The following WWOX variants were observed in gnomAD, a reference collection of about 807,000 sequenced individuals.
WWOX encodes WW domain-containing oxidoreductase.
Under a neutral mutation model 46.2 loss-of-function variants are expected in WWOX, and 69 were observed. The ratio of observed to expected loss-of-function variants is 1.49; its 90% confidence interval spans 1.23 to 1.82. WWOX has a LOEUF of 1.82. Ranked by LOEUF, WWOX falls within the 40% of genes most tolerant of loss-of-function variation. WWOX has a pLI of 0.00. For synonymous variants in WWOX, 359 were observed against 202.6 expected, an observed-to-expected ratio of 1.77 and a Z score of -6.56; for missense variants, 919 against 542.6, an observed-to-expected ratio of 1.69 and a Z score of -6.89.
rs376619795 is a variant in WWOX, at chr16:78,782,378, A to G, written c.1056+349626A>G. ...CACTGTTTTTGCCACAGCTTCTAGG[A>G]TTTCTCTTTCCCACAATCTAGGAGA... On this transcript the variant is annotated intron_variant, in intron 8 of 8. Transcript: ENST00000566780. Among the ~76,000 whole-genome samples, 83 of 152,172 alleles carry G rather than the reference A, an allele frequency of 5.5e-4. 1 individual carries two copies. The highest frequency in any genetic ancestry group is 1.7e-3 in the African/African-American group (71 of 41,520).
At chr16:78,684,184 A>G (rs1176874332) in intron 8 of WWOX, among the ~76,000 whole-genome samples, 1 of 152,150 alleles carries the variant, frequency 6.6e-6, no homozygotes, top group Non-Finnish European at 1.5e-5. Flanking sequence ...TAGCGCAGAA[A>G]TCCACTGGCA....
intron 5 of WWOX, among the ~76,000 whole-genome samples, chr16:78,231,038 T>C (rs1436735908): frequency 6.6e-6 from 1 of 152,226 alleles, no homozygotes; most frequent in East Asian, 1.9e-4. Context: ...TTATTGGCAA[T>C]GCCAAGAGAG....
intron 5 of WWOX, among the ~76,000 whole-genome samples, chr16:78,305,894 T>C (rs1275642488): frequency 2.0e-5 from 3 of 152,146 alleles, no homozygotes; most frequent in Non-Finnish European, 4.4e-5. Context: ...GAAAGGCTCA[T>C]TGAGGAAAGT....
intron 8 of WWOX, among the ~76,000 whole-genome samples, chr16:78,788,416 A>G (rs2050509979): frequency 6.6e-6 from 1 of 151,984 alleles, no homozygotes; most frequent in Admixed American, 6.6e-5. Flanking sequence ...CACCTTTTTG[A>G]TTGTGAGTCT....
chr16:78,930,747 C>T (rs1461208394), intron 8 of WWOX, among the ~76,000 whole-genome samples: 1 of 152,120 alleles, frequency 6.6e-6, no homozygotes, highest in Admixed American at 6.6e-5. Context: ...GAAGAACTCA[C>T]TGAAAAGTCC....
chr16:79,197,427 G>A (rs1446710494), intron 8 of WWOX, among the ~76,000 whole-genome samples: 2 of 152,098 alleles, frequency 1.3e-5, no homozygotes, highest in Non-Finnish European at 2.9e-5. Context: ...TCATACCATG[G>A]GAATTGGCAG....
At position 78,270,885 on chromosome 16, in the gene WWOX, GA is replaced by G. The variant is rs1243573840; in HGVS notation, c.516+106598del. ...CAGAGACGATACGTGGCCCGAAGAT[GA>G]AGGTACTTAACTATCTGGCCCTTCA... is the stretch of plus-strand genomic sequence containing the variant. On this transcript the variant is annotated intron_variant, in intron 5 of 8. Transcript: ENST00000566780. 1.1e-4 allele frequency among the ~76,000 whole-genome samples: 16 copies of G among 152,314 alleles called. No homozygotes were observed. The East Asian group carries it at 2.5e-3, about 24-fold the overall frequency.
At position 78,807,439 on chromosome 16, in the gene WWOX, T is replaced by A. The variant is rs531521070; in HGVS notation, c.1056+374687T>A. ...GTTTTATGATTGTTTTAAGGTCCAT[T>A]AATCGCTGAATCATGAGGCCATGTA... is the stretch of plus-strand genomic sequence containing the variant. On this transcript the variant is annotated intron_variant, in intron 8 of 8. Coordinates refer to ENST00000566780, the MANE Select transcript of WWOX (RefSeq NM_016373.4). 3.3e-5 allele frequency among the ~76,000 whole-genome samples: 5 copies of A among 152,356 alleles called. No homozygotes were observed. The South Asian group carries it at 1.0e-3, about 32-fold the overall frequency.
At chr16:78,211,690 G>T (rs921365856) in intron 5 of WWOX, among the ~76,000 whole-genome samples, 1 of 152,216 alleles carries the variant, frequency 6.6e-6, no homozygotes, top group Non-Finnish European at 1.5e-5. Context: ...AGTGGTTCCA[G>T]AAGGAAGAGT....
intron 8 of WWOX, among the ~76,000 whole-genome samples, chr16:78,723,321 G>A (rs13332365): frequency 0.42 from 64,027 of 151,958 alleles, 14,580 homozygotes; most frequent in African/African-American, 0.6. Context: ...CTTGCCTTGG[G>A]GTCAGTGTCT....
chr16:78,194,325 C>A (rs933919602), intron 5 of WWOX, among the ~76,000 whole-genome samples: 1 of 151,788 alleles, frequency 6.6e-6, no homozygotes, highest in African/African-American at 2.4e-5. Flanking sequence ...TGGTGTCTCA[C>A]ACCTGTAATC....
At chr16:78,468,532 C>G (rs1201302799) in intron 8 of WWOX, among the ~76,000 whole-genome samples, 2 of 152,130 alleles carry the variant, frequency 1.3e-5, no homozygotes, top group African/African-American at 4.8e-5. Context: ...TGTCGGCCCT[C>G]TTAGAAGAGA....
intron 8 of WWOX, among the ~76,000 whole-genome samples, chr16:78,914,646 G>A (rs2045200000): frequency 6.6e-6 from 1 of 151,914 alleles, no homozygotes; most frequent in African/African-American, 2.4e-5. Flanking sequence ...TTGGGAGGCG[G>A]AGGCGGGCAG....
At chr16:78,675,461 T>C (rs961697674) in intron 8 of WWOX, among the ~76,000 whole-genome samples, 1 of 152,212 alleles carries the variant, frequency 6.6e-6, no homozygotes, top group South Asian at 2.1e-4. Flanking sequence ...ACAAATACTT[T>C]TATGGGCCTT....
chr16:78,471,990 A>T (rs1016308820), intron 8 of WWOX, among the ~76,000 whole-genome samples: 1 of 152,176 alleles, frequency 6.6e-6, no homozygotes, highest in African/African-American at 2.4e-5. Flanking sequence ...ACCTAATTCC[A>T]ATGTTTCACT....
At chr16:78,392,763 C>T (rs893659498) in intron 6 of WWOX, among the ~76,000 whole-genome samples, 9 of 152,250 alleles carry the variant, frequency 5.9e-5, no homozygotes, top group East Asian at 3.9e-4. Context: ...GTGGTGTAAT[C>T]GTCCAAGAGT....
At chr16:79,009,021 A>G (rs1406113147) in intron 8 of WWOX, among the ~76,000 whole-genome samples, 1 of 152,230 alleles carries the variant, frequency 6.6e-6, no homozygotes, top group Non-Finnish European at 1.5e-5. Context: ...ATTCACCATT[A>G]AACATGTTCT....
intron 4 of WWOX, chr16:78,124,103 A>G (rs1480584534): frequency 1.3e-5 from 2 of 152,090 alleles, no homozygotes; most frequent in Non-Finnish European, 2.9e-5. Flanking sequence ...GCTTTACAAA[A>G]CTGCTTATTT....
chr16:79,065,396 A>G (rs2048423223), intron 8 of WWOX, among the ~76,000 whole-genome samples: 1 of 152,198 alleles, frequency 6.6e-6, no homozygotes, highest in Non-Finnish European at 1.5e-5. Context: ...GAAGGGAGCT[A>G]GGGAATGGAA....
Sources: allele counts gnomAD v4.1 joint callset (sites outside exome capture counted in the v4.1 genomes callset), GRCh38; gene constraint gnomAD v4.1.1; transcripts MANE v1.5; gene names NCBI Gene and HGNC (gene_info 2026-07-23, HGNC 2026-07-21).